Variants in GALNT18 observed in about 807,000 individuals in gnomAD.
GALNT18 encodes polypeptide N-acetylgalactosaminyltransferase 18.
Under a neutral mutation model 69.5 loss-of-function variants are expected in GALNT18, and 44 were observed. That is an observed-to-expected ratio of 0.63 (90% CI 0.50 to 0.81). GALNT18 has a LOEUF of 0.81. Ranked by LOEUF, GALNT18 falls within the 40% of genes least tolerant of loss-of-function variation. The probability of loss-of-function intolerance (pLI) is 0.00; values close to 1 mark genes in which losing one functional copy is unlikely to be tolerated. For missense variants in GALNT18, 715 were observed against 810.0 expected (o/e 0.88, Z 1.42); for synonymous variants, 364 against 318.2 (o/e 1.14, Z -1.53).
At chr11:11,607,840 T>C (rs201807747) in intron 1 of GALNT18, among the ~76,000 whole-genome samples, 1 of 152,182 alleles carries the variant, frequency 6.6e-6, no homozygotes, top group Non-Finnish European at 1.5e-5. Flanking sequence ...CCAGACACCC[T>C]GCATGACTCT....
chr11:11,427,545 G>C (rs1376356494), intron 3 of GALNT18, among the ~76,000 whole-genome samples: 4 of 152,132 alleles, frequency 2.6e-5, no homozygotes, highest in Non-Finnish European at 5.9e-5. Flanking sequence ...CTTCCATTGT[G>C]TTATCTCATT....
At chr11:11,420,009 A>G (rs1423357160) in intron 3 of GALNT18, among the ~76,000 whole-genome samples, 1 of 152,168 alleles carries the variant, frequency 6.6e-6, no homozygotes. Flanking sequence ...TAAGAGCAGA[A>G]GGGGTGCAAG....
intron 1 of GALNT18, among the ~76,000 whole-genome samples, chr11:11,528,649 C>T (rs1857572718): frequency 1.3e-5 from 2 of 152,096 alleles, no homozygotes; most frequent in Admixed American, 6.5e-5. Flanking sequence ...CGGGGCAAGA[C>T]TGAGAACAAG....
At chr11:11,475,428 A>C (rs1445135738) in intron 1 of GALNT18, 1 of 152,232 alleles carries the variant, frequency 6.6e-6, no homozygotes, top group Non-Finnish European at 1.5e-5. Flanking sequence ...ATCTCATTAA[A>C]ACAGCAGGGT....
intron 1 of GALNT18, among the ~76,000 whole-genome samples, chr11:11,522,095 TAGGA>T (rs759180837): frequency 6.6e-5 from 10 of 152,110 alleles, no homozygotes; most frequent in African/African-American, 2.2e-4. Context: ...CTACCCACCC[TAGGA>T]AGGAAGGAAG....
intron 3 of GALNT18, among the ~76,000 whole-genome samples, chr11:11,429,141 G>T (rs1336128444): frequency 6.6e-6 from 1 of 152,128 alleles, no homozygotes; most frequent in Non-Finnish European, 1.5e-5. Context: ...GGTTTCCCAG[G>T]TCTGTCCCTT....
At chr11:11,352,543 C>G in intron 6 of GALNT18, 1 of 1,614,136 alleles carries the variant, frequency 6.2e-7, no homozygotes, top group Non-Finnish European at 8.5e-7. Context: ...TATCGGGAAG[C>G]AACTCGGACA....
intron 1 of GALNT18, among the ~76,000 whole-genome samples, chr11:11,599,262 A>G (rs948275739): frequency 6.6e-6 from 1 of 152,014 alleles, no homozygotes; most frequent in African/African-American, 2.4e-5. Flanking sequence ...TGCTTCATGT[A>G]TTTTAGTGGT....
intron 6 of GALNT18, among the ~76,000 whole-genome samples, chr11:11,355,568 TTTA>T (rs1177364038): frequency 6.6e-6 from 1 of 151,158 alleles, no homozygotes; most frequent in South Asian, 2.1e-4. Flanking sequence ...TATTTACATA[TTTA>T]TTATTTATTT....
intron 1 of GALNT18, among the ~76,000 whole-genome samples, chr11:11,570,854 C>G (rs1367838493): frequency 6.6e-6 from 1 of 152,336 alleles, no homozygotes; most frequent in Admixed American, 6.5e-5. Context: ...AGGTAATTTA[C>G]TTGCCTGTAA....
chr11:11,511,485 C>T lies in GALNT18; in HGVS notation c.236-62549G>A, dbSNP rs1857164643. On this transcript the variant is annotated intron_variant, in intron 1 of 10. Transcript: ENST00000227756. This position sits in a 1 kb window ranked among gnomAD's most constrained non-coding sequence, Gnocchi z 4.9. ...AGGCCCCAGACAATCCTGAGGAGAC[C>T]TGGCTAATGCAGTGGTTCTTTACTT... Among the ~76,000 whole-genome samples, 1 of 152,218 alleles carries T rather than the reference C, an allele frequency of 6.6e-6. No individual in the cohort carries two copies. Among genetic ancestry groups the T allele is most frequent in the Admixed American group, 6.5e-5 (1 of 15,286 alleles).
Position 11,577,649 on chromosome 11 carries a change from C to T in GALNT18, c.235+43710G>A, listed in dbSNP as rs140855650. 1.9e-3 allele frequency among the ~76,000 whole-genome samples: 296 copies of T among 152,290 alleles called. 1 individual carries two copies. Among genetic ancestry groups the T allele is most frequent in the African/African-American group, 6.8e-3 (282 of 41,562 alleles). On this transcript the variant is annotated intron_variant, in intron 1 of 10. Coordinates refer to ENST00000227756, the MANE Select transcript of GALNT18 (RefSeq NM_198516.3). ...GAAGCACAGAATCCTAGGCTCAACA[C>T]CCCAAATCGATTCAGAAGGGCTGGA... is the stretch of plus-strand genomic sequence containing the variant.
chr11:11,305,636 C>T (rs150204694), intron 9 of GALNT18, among the ~76,000 whole-genome samples: 214 of 152,194 alleles, frequency 1.4e-3, no homozygotes, highest in Middle Eastern at 3.4e-3. Context: ...TCAATTTACT[C>T]ATCAGTGGAA....
chr11:11,364,559 G>T (rs1218017046), intron 6 of GALNT18, among the ~76,000 whole-genome samples: 4 of 151,672 alleles, frequency 2.6e-5, no homozygotes, highest in Admixed American at 2.6e-4. Context: ...AAGAGGGGGG[G>T]AAAAAGAGAT....
At chr11:11,350,223 T>C (rs992251339) in intron 6 of GALNT18, among the ~76,000 whole-genome samples, 1 of 152,218 alleles carries the variant, frequency 6.6e-6, no homozygotes, top group Non-Finnish European at 1.5e-5. Flanking sequence ...GGGGCAACAG[T>C]AATGTGTCAT....
intron 3 of GALNT18, among the ~76,000 whole-genome samples, chr11:11,399,486 G>A (rs1003515235): frequency 5.9e-5 from 9 of 152,136 alleles, no homozygotes; most frequent in Non-Finnish European, 4.4e-5. Flanking sequence ...ATCAGAACAA[G>A]TCAATAAATA....
chr11:11,382,665 T>C lies in GALNT18; in HGVS notation c.596-3401A>G, dbSNP rs2133697955. 6.6e-6 allele frequency among the ~76,000 whole-genome samples: 1 copy of C among 152,292 alleles called. No homozygotes were observed. The highest frequency in any genetic ancestry group is 6.5e-5 in the Admixed American group (1 of 15,292). ...ACTAATCACAAAGATTTTATCAGGA[T>C]TTTTGCTGCCCTATCTTTGCTAAAC... On this transcript the variant is annotated intron_variant, in intron 3 of 10. Transcript: ENST00000227756. The surrounding 1 kb of genome is among the most constrained non-coding windows in gnomAD (Gnocchi z 4.3).
In GALNT18 at chr11:11,320,762, C is replaced by T. The variant is rs7926371; in HGVS notation, c.1512+6324G>A. On this transcript the variant is annotated intron_variant, in intron 9 of 10. Transcript: ENST00000227756. The surrounding 1 kb of genome is among the most constrained non-coding windows in gnomAD (Gnocchi z 4.9). Reference sequence around the variant, plus strand: ...GAGCTCAGGCTGGGAATACCCAGCCCGTCCCCAGGATAACCTTGTCCTTTC... The same window carrying T: ...GAGCTCAGGCTGGGAATACCCAGCCTGTCCCCAGGATAACCTTGTCCTTTC... Among the ~76,000 whole-genome samples, 813 of 152,280 alleles carry T rather than the reference C, an allele frequency of 5.3e-3. 7 individuals carry two copies. Among genetic ancestry groups the T allele is most frequent in the African/African-American group, 0.019 (769 of 41,534 alleles).
At chr11:11,306,569 A>G (rs1849582400) in intron 9 of GALNT18, among the ~76,000 whole-genome samples, 1 of 152,258 alleles carries the variant, frequency 6.6e-6, no homozygotes, top group South Asian at 2.1e-4. Flanking sequence ...TACAGACCTC[A>G]GATAGCAATG....
Sources: gnomAD v4.1 joint callset for allele counts (sites outside exome capture counted in the v4.1 genomes callset) on GRCh38, gnomAD v4.1.1 for gene constraint, Gnocchi (gnomAD v3.1) non-coding constraint, MANE v1.5 for transcripts, NCBI Gene and HGNC (gene_info 2026-07-23, HGNC 2026-07-21) for gene names.